The following ADGRG2 variants were observed in gnomAD, a reference collection of about 807,000 sequenced individuals.
ADGRG2 encodes the protein adhesion G protein-coupled receptor G2.
Under a neutral mutation model 74.1 loss-of-function variants are expected in ADGRG2, and 26 were observed. The ratio of observed to expected loss-of-function variants is 0.35; its 90% CI spans 0.26 to 0.49. The LOEUF is 0.49. Ranked by LOEUF, ADGRG2 falls within the 20% of genes least tolerant of loss-of-function variation. The pLI is 0.99. For missense variants in ADGRG2, 619 were observed against 763.1 expected (o/e 0.81, Z 2.22); for synonymous variants, 296 against 295.2 (o/e 1.00, Z -0.03).
chrX:19,092,095 C>T (rs746672792), intron 1 of ADGRG2, among the ~76,000 whole-genome samples: 2 of 112,114 alleles, frequency 1.8e-5, no homozygotes, highest in South Asian at 7.4e-4. Flanking sequence ...ACTTGTCCAC[C>T]CCTTGGGTCT....
chrX:19,016,571 T>G lies in ADGRG2; in HGVS notation c.711-2497A>C, dbSNP rs183394072. On this transcript the variant is annotated intron_variant, in intron 15 of 28. Coordinates refer to ENST00000379869, the MANE Select transcript of ADGRG2 (RefSeq NM_001079858.3). ...TTATTTATTATTATTATACTTTAAG[T>G]TTTAGGGTACATGTGCACAATGTGC... Among the ~76,000 whole-genome samples the G allele has an allele frequency of 3.6e-3, 392 of 109,128 alleles. 1 individual carries two copies. The highest frequency in any genetic ancestry group is 0.013 in the African/African-American group (381 of 30,082). 94.8% of individuals were successfully genotyped at this position (109,128 alleles called of 115,157 possible).
At chrX:19,065,887 A>C (rs1247930958) in intron 3 of ADGRG2, among the ~76,000 whole-genome samples, 2 of 112,266 alleles carry the variant, frequency 1.8e-5, no homozygotes, top group Non-Finnish European at 3.8e-5. Flanking sequence ...TCGCTCTGTC[A>C]CCCAGGCTGG....
chrX:19,058,193 G>A (rs1205775166), intron 3 of ADGRG2, among the ~76,000 whole-genome samples: 1 of 111,903 alleles, frequency 8.9e-6, no homozygotes, highest in African/African-American at 3.2e-5. Flanking sequence ...TGTGTGCCAG[G>A]CACGGGGGTT....
rs10677696 is a variant in ADGRG2, at chrX:19,116,506, C to CAAAAAAAAAAAAA, written c.-47+5923_-47+5935dup. On this transcript the variant is annotated intron_variant, in intron 1 of 28. Transcript: ENST00000379869. ...AGCCTCAGCAACAGAGATTCCGTCT[C>CAAAAAAAAAAAAA]AAAAAAAAAAAAAAAAAAAAAAAAA... is the stretch of plus-strand genomic sequence containing the variant. Among the ~76,000 whole-genome samples the CAAAAAAAAAAAAA allele has an allele frequency of 2.3e-3, 55 of 24,015 alleles. 2 individuals are homozygous for CAAAAAAAAAAAAA. Among genetic ancestry groups the CAAAAAAAAAAAAA allele is most frequent in the African/African-American group, 6.9e-3 (52 of 7,555 alleles). The allele number at this position is 24,015 out of a possible 115,157, so 20.9% of individuals were successfully genotyped here.
chrX:19,122,262 T>C (rs1396633367), intron 1 of ADGRG2, among the ~76,000 whole-genome samples, 180 bp downstream of exon 1: 5 of 112,110 alleles, frequency 4.5e-5, no homozygotes, highest in Non-Finnish European at 7.6e-5. Flanking sequence ...TTCAGGATGT[T>C]CCCGGGCCCC....
At chrX:19,063,646 G>A (rs1256451151) in intron 3 of ADGRG2, among the ~76,000 whole-genome samples, 3 of 112,065 alleles carry the variant, frequency 2.7e-5, no homozygotes, top group African/African-American at 9.7e-5. Flanking sequence ...CACCCGCCTC[G>A]CCAACCTTTT....
At chrX:19,033,738 G>C (rs2080994877) in intron 7 of ADGRG2, 84 bp from the exon 8 acceptor site, 1 of 466,570 alleles carries the variant, frequency 2.1e-6, no homozygotes, top group Non-Finnish European at 3.8e-6. Flanking sequence ...TTTTAGTGAA[G>C]TGCTAAAAAA....
rs563708470 is a variant in ADGRG2 at position 19,030,366 on chromosome X, G to A, written c.358+618C>T. 4.5e-5 allele frequency among the ~76,000 whole-genome samples: 5 copies of A among 112,179 alleles called. No homozygotes were observed. In the East Asian group the frequency reaches 8.4e-4, roughly 19 times the overall value. On this transcript the variant is annotated intron_variant, in intron 9 of 28. Transcript: ENST00000379869. ...GTGAGAAAAGTGGTTGTTTCATTCC[G>A]TCTGGCCCATGGCAGAAGGGAAAAT... is the stretch of plus-strand genomic sequence containing the variant.
At chrX:19,077,986 A>G (rs2061780822) in intron 2 of ADGRG2, among the ~76,000 whole-genome samples, 1 of 112,054 alleles carries the variant, frequency 8.9e-6, no homozygotes, top group African/African-American at 3.2e-5. Flanking sequence ...AAGGATATAG[A>G]ATATTTGAAT....
intron 1 of ADGRG2, among the ~76,000 whole-genome samples, chrX:19,105,976 T>G (rs1162464874): frequency 9.3e-6 from 1 of 107,136 alleles, no homozygotes; most frequent in Non-Finnish European, 1.9e-5. Flanking sequence ...GGTAACTCTT[T>G]GGCACATATT....
At position 19,107,118 on chromosome X, in the gene ADGRG2, C is replaced by A. The variant is rs781248032; in HGVS notation, c.-47+15324G>T. ...GCAGCTATGTTCTAAAGCTTCGCTACTCAAAGTGCAGCTCCCCCGCCCCAA... is the reference window on the plus strand; with the variant it reads ...GCAGCTATGTTCTAAAGCTTCGCTAATCAAAGTGCAGCTCCCCCGCCCCAA... On this transcript the variant is annotated intron_variant, in intron 1 of 28. Transcript: ENST00000379869. Among the ~76,000 whole-genome samples the A allele has an allele frequency of 8.1e-5, 9 of 111,537 alleles. No homozygotes were observed. The South Asian group carries it at 3.4e-3, about 42-fold the overall frequency.
intron 3 of ADGRG2, among the ~76,000 whole-genome samples, chrX:19,058,608 T>C (rs946499911): frequency 8.9e-6 from 1 of 112,307 alleles, no homozygotes; most frequent in African/African-American, 3.2e-5. Context: ...TATGCTGTAC[T>C]AAATACTATA....
Position 19,007,216 on chromosome X carries a change from G to A in ADGRG2, c.1689+19C>T, listed in dbSNP as rs183728513. 738 of 1,206,063 alleles carry A rather than the reference G, an allele frequency of 6.1e-4. 1 individual carries two copies. The African/African-American group carries it at 0.011, about 18-fold the overall frequency. ...AGGTGTTCCTGGTCAATGAACAGAC[G>A]GCACTGGCCTCTCCCCACCTGGCTC... On this transcript the variant is annotated intron_variant, in intron 20 of 28. Coordinates refer to ENST00000379869, the MANE Select transcript of ADGRG2 (RefSeq NM_001079858.3).
At chrX:19,078,192 A>G (rs1278184783) in intron 2 of ADGRG2, among the ~76,000 whole-genome samples, 3 of 112,449 alleles carry the variant, frequency 2.7e-5, no homozygotes, top group South Asian at 7.3e-4. Flanking sequence ...TTAAGGTGTA[A>G]TAACAAAAAG....
In ADGRG2 at chrX:19,007,293, G is replaced by T. The variant is rs367571716; in HGVS notation, c.1631C>A (p.Thr544Asn). 1.7e-6 allele frequency: 2 copies of T among 1,208,328 alleles called. No homozygotes were observed. The highest frequency in any genetic ancestry group is 3.5e-5 in the South Asian group (2 of 56,906). ...YVISSSVANL[T>N]VRNLTRNVTV... ...CACGTTTCTTGTCAAGTTCCTGACG[G>T]TCAGGTTTGCAACACTCGATGATAT... is the stretch of plus-strand genomic sequence containing the variant. The change falls in exon 20 of 29, where the codon ACC (threonine) becomes AAC (asparagine). Residue 544 changes from threonine to asparagine, a missense_variant. Transcript: ENST00000379869.
At position 18,990,888 on chromosome X, in the gene ADGRG2, G is replaced by A. The variant is rs201779018; in HGVS notation, c.3030C>T (p.Ser1010=). Residue 1010 remains serine (S), a synonymous_variant, in exon 29 of 29, where the codon AGC becomes AGT. Transcript: ENST00000379869. The stretch of plus-strand genomic sequence containing the variant: ...ATCACATTTGCTCAATAAAGTGTAA[G>A]CTTCCCCGCTTTGAAGTCCTTCTGA... ...MALRRTSKRG[S]LHFIEQM The A allele has an allele frequency of 5.0e-6, 6 of 1,201,816 alleles. No individual in the cohort carries two copies. In the East Asian group the frequency reaches 1.8e-4, roughly 36 times the overall value.
intron 1 of ADGRG2, among the ~76,000 whole-genome samples, chrX:19,092,991 A>G (rs1436381168): frequency 8.9e-6 from 1 of 112,291 alleles, no homozygotes; most frequent in Non-Finnish European, 1.9e-5. Flanking sequence ...AGTAGGTCAC[A>G]AGGCCTTCAC....
intron 16 of ADGRG2, 48 bp downstream of exon 16, chrX:19,013,638 C>G: frequency 9.3e-7 from 1 of 1,072,496 alleles, no homozygotes; most frequent in Non-Finnish European, 1.3e-6. Context: ...ATGGTCTTAT[C>G]ATAGATGTCT....
At chrX:19,028,335 A>C in intron 9 of ADGRG2, 97 bp from the exon 10 acceptor site, 2 of 417,202 alleles carry the variant, frequency 4.8e-6, no homozygotes, top group Non-Finnish European at 8.4e-6. Flanking sequence ...ATAAAGTTTC[A>C]TCAAATTGTT....
Sources: allele counts gnomAD v4.1 joint callset (sites outside exome capture counted in the v4.1 genomes callset), GRCh38; gene constraint gnomAD v4.1.1; transcripts MANE v1.5; gene names NCBI Gene and HGNC (gene_info 2026-07-23, HGNC 2026-07-21).